Variants in SLC17A1 observed in about 807,000 individuals in gnomAD.
SLC17A1 encodes the protein sodium-dependent phosphate transport protein 1.
A neutral mutation model predicts 53.5 loss-of-function variants in SLC17A1; 51 were observed. That is an observed-to-expected ratio of 0.95 (90% CI 0.76 to 1.20). The LOEUF (loss-of-function observed/expected upper bound fraction) is 1.20, where lower values mean the gene tolerates loss of function less well. Among genes scored for constraint, SLC17A1 ranks in the 50% most tolerant of loss-of-function variants. The pLI, the probability that SLC17A1 is intolerant of heterozygous loss-of-function variation, is 0.00. For missense variants in SLC17A1, 538 were observed against 568.2 expected, an observed-to-expected ratio of 0.95 and a Z score of 0.54; for synonymous variants, 179 against 198.8, an observed-to-expected ratio of 0.90 and a Z score of 0.84.
At chr6:25,734,074 C>T in the SLC17A1 span, among the ~76,000 whole-genome samples, 1 of 152,008 alleles carries the variant, frequency 6.6e-6, no homozygotes, top group Non-Finnish European at 1.5e-5. Flanking sequence ...CCTGAGCCTC[C>T]CAAAGTGCTG....
the SLC17A1 span, among the ~76,000 whole-genome samples, chr6:25,749,830 C>G: frequency 9.8e-4 from 149 of 152,292 alleles, no homozygotes; most frequent in Non-Finnish European, 1.9e-3. Context: ...ATGTTTCCAG[C>G]CATAAGTTTC....
At position 25,823,976 on chromosome 6, in the gene SLC17A1, A is replaced by G. The variant is rs75578599; in HGVS notation, c.207+2485T>C. Among the ~76,000 whole-genome samples, 754 of 152,108 alleles carry G rather than the reference A, an allele frequency of 5.0e-3. 6 individuals are homozygous for G. Among genetic ancestry groups the G allele is most frequent in the African/African-American group, 0.016 (678 of 41,556 alleles). ...CTCCAACTACTAATTTTCCATGAACATTCAGAGGCAATTCAGTGGAGAAAG... is the reference window on the plus strand; with the variant it reads ...CTCCAACTACTAATTTTCCATGAACGTTCAGAGGCAATTCAGTGGAGAAAG... On this transcript the variant is annotated intron_variant, in intron 3 of 12. Coordinates refer to ENST00000244527, the MANE Select transcript of SLC17A1 (RefSeq NM_005074.5).
chr6:25,782,440 C>A (rs1347829245), downstream of SLC17A1, among the ~76,000 whole-genome samples: 1 of 152,042 alleles, frequency 6.6e-6, no homozygotes, highest in Non-Finnish European at 1.5e-5. Flanking sequence ...ACAGTAAGTG[C>A]CAGTAAATGC....
intron 3 of SLC17A1, among the ~76,000 whole-genome samples, chr6:25,820,833 A>G (rs976245891): frequency 3.5e-5 from 5 of 144,660 alleles, no homozygotes; most frequent in Admixed American, 7.2e-5. Context: ...TGGGAGGTGG[A>G]GCTTGCAGTG....
chr6:25,812,637 A>G (rs1417663749), intron 8 of SLC17A1, among the ~76,000 whole-genome samples, 194 bp downstream of exon 8: 6 of 152,180 alleles, frequency 3.9e-5, no homozygotes, highest in African/African-American at 1.4e-4. Context: ...AGTGCCAGAC[A>G]CTTATGTCTA....
At position 25,819,586 on chromosome 6, in the gene SLC17A1, T is replaced by C; in HGVS notation, c.454A>G (p.Thr152Ala). Residue 152 changes from threonine to alanine, a missense_variant, in exon 5 of 13, where the codon ACA becomes GCA. Transcript: ENST00000244527. ...TTGACATATATTTCAAACTGGGCTG[T>C]TGCAACTATCCCCTGAAATGAGAAA... Reference protein sequence around the residue: ...VQGAAQGIVATAQFEIYVKWA... With the variant: ...VQGAAQGIVAAAQFEIYVKWA... The C allele has an allele frequency of 6.2e-7, 1 of 1,614,138 alleles. No individual in the cohort carries two copies. The highest frequency in any genetic ancestry group is 1.6e-4 in the Middle Eastern group (1 of 6,062).
At chr6:25,723,901 T>C in the SLC17A1 span, among the ~76,000 whole-genome samples, 17 of 152,220 alleles carry the variant, frequency 1.1e-4, no homozygotes, top group Middle Eastern at 6.8e-3. Flanking sequence ...GACAAAATTA[T>C]ATGATTTTTC....
the SLC17A1 span, among the ~76,000 whole-genome samples, chr6:25,762,602 T>C: frequency 6.6e-6 from 1 of 152,338 alleles, no homozygotes; most frequent in East Asian, 1.9e-4. Context: ...TTTAAGGATA[T>C]AGTCATTTCA....
At chr6:25,764,663 C>T in the SLC17A1 span, among the ~76,000 whole-genome samples, 1 of 152,174 alleles carries the variant, frequency 6.6e-6, no homozygotes, top group Non-Finnish European at 1.5e-5. Flanking sequence ...TTGTGCTCCT[C>T]AGCTTGGAGT....
intron 3 of SLC17A1, among the ~76,000 whole-genome samples, chr6:25,820,891 C>T (rs561032420): frequency 1.5e-5 from 2 of 131,582 alleles, no homozygotes; most frequent in Non-Finnish European, 3.2e-5. Flanking sequence ...GAGTGAGACT[C>T]CATCTCAAAA....
At chr6:25,740,511 G>A in the SLC17A1 span, among the ~76,000 whole-genome samples, 1 of 151,822 alleles carries the variant, frequency 6.6e-6, no homozygotes, top group Non-Finnish European at 1.5e-5. Flanking sequence ...CCGTAGGGGT[G>A]GTTTAAAATT....
intron 1 of SLC17A1, 88 bp downstream of exon 1, chr6:25,831,906 A>G (rs569591361): frequency 6.6e-6 from 1 of 152,268 alleles, no homozygotes; most frequent in East Asian, 1.9e-4. Flanking sequence ...AGTACTTTCA[A>G]TAATATCTTT....
chr6:25,744,610 T>A, the SLC17A1 span, among the ~76,000 whole-genome samples: 7 of 152,268 alleles, frequency 4.6e-5, no homozygotes, highest in East Asian at 1.2e-3. Flanking sequence ...CTCTCCATGC[T>A]CTTGAGGTTA....
chr6:25,752,260 A>G, the SLC17A1 span, among the ~76,000 whole-genome samples: 1 of 152,254 alleles, frequency 6.6e-6, no homozygotes, highest in Non-Finnish European at 1.5e-5. Context: ...CTCCTAGGCT[A>G]CAAACCTGTA....
chr6:25,801,893 G>A (rs928282892), intron 10 of SLC17A1, among the ~76,000 whole-genome samples: 11 of 151,258 alleles, frequency 7.3e-5, no homozygotes, highest in African/African-American at 2.7e-4. Context: ...GATTAGAGTT[G>A]TCTCTTTTTG....
intron 3 of SLC17A1, among the ~76,000 whole-genome samples, chr6:25,826,211 T>A (rs1033562103): frequency 2.6e-5 from 4 of 152,122 alleles, no homozygotes; most frequent in Non-Finnish European, 5.9e-5. Flanking sequence ...ATTTCTTGAT[T>A]GTAAAGAAGC....
At chr6:25,814,983 TCACACAAACACACACACACACACA>T (rs1465127563) in intron 6 of SLC17A1, among the ~76,000 whole-genome samples, 1 of 140,436 alleles carries the variant, frequency 7.1e-6, no homozygotes, top group African/African-American at 2.7e-5. Context: ...CAAGACTCTG[TCACACAAACACACACACACACACA>T]CACACACACA....
chr6:25,798,710 G>A (rs1324036942), intron 12 of SLC17A1, 73 bp downstream of exon 12: 10 of 1,386,576 alleles, frequency 7.2e-6, no homozygotes, highest in African/African-American at 1.4e-5. Flanking sequence ...TCTCGTCTGA[G>A]GAGTCATCCT....
chr6:25,806,278 C>T (rs771676550), intron 10 of SLC17A1, among the ~76,000 whole-genome samples: 1 of 151,718 alleles, frequency 6.6e-6, no homozygotes, highest in Non-Finnish European at 1.5e-5. Context: ...AAAATAAAAC[C>T]CATATGATCA....
Sources: gnomAD v4.1 joint callset for allele counts (sites outside exome capture counted in the v4.1 genomes callset) on GRCh38, gnomAD v4.1.1 for gene constraint, MANE v1.5 for transcripts, NCBI Gene and HGNC (gene_info 2026-07-23, HGNC 2026-07-21) for gene names.